Variants in ZNF804B observed in about 807,000 individuals in gnomAD.
The protein encoded by ZNF804B is zinc finger protein 804B.
Under a neutral mutation model 101.4 loss-of-function variants are expected in ZNF804B, and 80 were observed. The observed-to-expected ratio is 0.79, with a 90% CI of 0.66 to 0.95. ZNF804B has a LOEUF of 0.95. Ranked by LOEUF, ZNF804B falls within the 40% of genes least tolerant of loss-of-function variation. ZNF804B has a pLI of 0.00. For missense variants in ZNF804B, 1,673 were observed against 1,561.9 expected (o/e 1.07, Z -1.20); for synonymous variants, 622 against 558.8 (o/e 1.11, Z -1.59).
At chr7:89,305,859 T>G (rs2115932251) in intron 2 of ZNF804B, among the ~76,000 whole-genome samples, 1 of 152,118 alleles carries the variant, frequency 6.6e-6, no homozygotes, top group African/African-American at 2.4e-5. Flanking sequence ...GTACATTGAA[T>G]AAAGATGTGT....
At chr7:89,191,716 C>T (rs1271317186) in intron 1 of ZNF804B, among the ~76,000 whole-genome samples, 1 of 151,736 alleles carries the variant, frequency 6.6e-6, no homozygotes, top group Non-Finnish European at 1.5e-5. Context: ...CATTCATTAC[C>T]ACCACCATAA....
At chr7:88,936,836 G>T (rs1792978360) in intron 1 of ZNF804B, among the ~76,000 whole-genome samples, 1 of 151,978 alleles carries the variant, frequency 6.6e-6, no homozygotes, top group Admixed American at 6.6e-5. Context: ...TGTTTCTAAG[G>T]TCTTTTAATT....
rs140144314 is a variant in ZNF804B at position 89,200,501 on chromosome 7, G to C, written c.109-17654G>C. Among the ~76,000 whole-genome samples, 685 of 152,070 alleles carry C rather than the reference G, an allele frequency of 4.5e-3. 5 individuals are homozygous for C. The highest frequency in any genetic ancestry group is 0.016 in the African/African-American group (659 of 41,528). ...ATGACGACAAACTTCTTACCAAGGA[G>C]CACTGATGATTTTGATCAGACCCAG... On this transcript the variant is annotated intron_variant, in intron 1 of 3. Coordinates refer to ENST00000333190, the MANE Select transcript of ZNF804B (RefSeq NM_181646.5).
At chr7:88,794,651 G>T in intron 1 of ZNF804B, 1 of 1,613,792 alleles carries the variant, frequency 6.2e-7, no homozygotes, top group Non-Finnish European at 8.5e-7. Flanking sequence ...TCGAGGATAT[G>T]CAGAATGGAA....
intron 1 of ZNF804B, among the ~76,000 whole-genome samples, chr7:88,950,281 A>T (rs1793198278): frequency 6.6e-6 from 1 of 151,914 alleles, no homozygotes. Flanking sequence ...ACTGTAATTA[A>T]TTTAATTAGA....
At chr7:89,040,468 A>G (rs551649218) in intron 1 of ZNF804B, among the ~76,000 whole-genome samples, 31 of 152,178 alleles carry the variant, frequency 2.0e-4, no homozygotes, top group African/African-American at 7.0e-4. Context: ...GTTCTTTTCT[A>G]TGGATTCTAT....
intron 1 of ZNF804B, among the ~76,000 whole-genome samples, chr7:88,822,515 T>C (rs1790998339): frequency 6.6e-6 from 1 of 152,188 alleles, no homozygotes; most frequent in African/African-American, 2.4e-5. Context: ...GGCAGAAAGA[T>C]AGTGAACTTT....
At chr7:89,196,571 A>T (rs1242491535) in intron 1 of ZNF804B, among the ~76,000 whole-genome samples, 1 of 152,152 alleles carries the variant, frequency 6.6e-6, no homozygotes, top group East Asian at 1.9e-4. Flanking sequence ...AGAGGCAAAG[A>T]TTTCATGAGA....
At chr7:88,874,041 A>G (rs1347917828) in intron 1 of ZNF804B, among the ~76,000 whole-genome samples, 1 of 152,134 alleles carries the variant, frequency 6.6e-6, no homozygotes, top group African/African-American at 2.4e-5. Flanking sequence ...ATGGCATTGA[A>G]TCTGTAAATT....
chr7:89,032,992 A>T (rs1193865315), intron 1 of ZNF804B, among the ~76,000 whole-genome samples: 1 of 151,884 alleles, frequency 6.6e-6, no homozygotes. Flanking sequence ...TTAAATATAC[A>T]ATAAATTATT....
intron 1 of ZNF804B, among the ~76,000 whole-genome samples, chr7:88,997,692 C>CTGTGGTACTAA (rs1455890245): frequency 6.6e-6 from 1 of 152,074 alleles, no homozygotes; most frequent in African/African-American, 2.4e-5. Context: ...TAGGGCATAT[C>CTGTGGTACTAA]TGTGGTACTA....
At chr7:88,819,223 A>G (rs1331221796) in intron 1 of ZNF804B, among the ~76,000 whole-genome samples, 1 of 152,112 alleles carries the variant, frequency 6.6e-6, no homozygotes, top group Non-Finnish European at 1.5e-5. Flanking sequence ...TCCCAGGTTC[A>G]AGCAATTCTC....
At chr7:89,206,910 G>A (rs1293555702) in intron 1 of ZNF804B, among the ~76,000 whole-genome samples, 1 of 152,192 alleles carries the variant, frequency 6.6e-6, no homozygotes, top group Non-Finnish European at 1.5e-5. Flanking sequence ...TATGGCAGGA[G>A]CAAAGTGCTG....
chr7:88,776,780 A>ACC lies in ZNF804B; in HGVS notation c.108+16706_108+16707dup, dbSNP rs10707553. ...ATGAACCCCAATTAGTAACCCATAAACCCCCCCCCCCACCCTGTTCACTTC... is the reference window on the plus strand; with the variant it reads ...ATGAACCCCAATTAGTAACCCATAAACCCCCCCCCCCCCACCCTGTTCACTTC... On this transcript the variant is annotated intron_variant, in intron 1 of 3. Coordinates refer to ENST00000333190, the MANE Select transcript of ZNF804B (RefSeq NM_181646.5). Among the ~76,000 whole-genome samples, 394 of 83,482 alleles carry ACC rather than the reference A, an allele frequency of 4.7e-3. 1 individual carries two copies. The highest frequency in any genetic ancestry group is 0.01 in the South Asian group (17 of 1,678). 54.8% of individuals were successfully genotyped at this position (83,482 alleles called of 152,430 possible). A position where few individuals can be genotyped will look rare whatever the true frequency, so the allele number is the denominator to read the frequency against.
intron 1 of ZNF804B, among the ~76,000 whole-genome samples, chr7:89,195,659 A>T (rs1788535863): frequency 6.6e-6 from 1 of 151,876 alleles, no homozygotes; most frequent in Non-Finnish European, 1.5e-5. Context: ...TTCAAGGAGA[A>T]CTACAAACCA....
At chr7:88,847,064 A>C (rs531453563) in intron 1 of ZNF804B, among the ~76,000 whole-genome samples, 1 of 152,042 alleles carries the variant, frequency 6.6e-6, no homozygotes, top group Non-Finnish European at 1.5e-5. Context: ...TTGGCAAACT[A>C]TTTTTAATTT....
intron 1 of ZNF804B, among the ~76,000 whole-genome samples, chr7:89,115,504 A>G (rs961728643): frequency 1.4e-4 from 22 of 152,232 alleles, no homozygotes; most frequent in African/African-American, 4.8e-4. Context: ...ACAGGGTCAT[A>G]CAGTGGAGAA....
In ZNF804B at chr7:88,790,790, T is replaced by C. The variant is rs540699762; in HGVS notation, c.108+30706T>C. The stretch of plus-strand genomic sequence containing the variant: ...TATCTGCATTCTATTATAACTTTCA[T>C]TGAGTTAAGAATTACCTTATCAGTC... On this transcript the variant is annotated intron_variant, in intron 1 of 3. Transcript: ENST00000333190. Among the ~76,000 whole-genome samples the C allele has an allele frequency of 1.1e-4, 16 of 152,186 alleles. No individual in the cohort carries two copies. The South Asian group carries it at 1.9e-3, about 18-fold the overall frequency.
chr7:88,923,962 T>C (rs1792759659), intron 1 of ZNF804B, among the ~76,000 whole-genome samples: 1 of 152,132 alleles, frequency 6.6e-6, no homozygotes, highest in Non-Finnish European at 1.5e-5. Context: ...GTGTGATCAT[T>C]CTAGTGATAC....
Sources: allele counts gnomAD v4.1 joint callset (sites outside exome capture counted in the v4.1 genomes callset), GRCh38; gene constraint gnomAD v4.1.1; transcripts MANE v1.5; gene names NCBI Gene and HGNC (gene_info 2026-07-23, HGNC 2026-07-21).